The following LANCL1 variants were observed in gnomAD, a reference collection of about 807,000 sequenced individuals.
LANCL1 encodes the protein LanC like glutathione S-transferase 1.
LANCL1 carries 50 observed loss-of-function variants against 50.6 expected under a neutral mutation model. The observed-to-expected ratio is 0.99, with a 90% CI of 0.79 to 1.25. LANCL1 has a LOEUF of 1.25. LANCL1 is among the 50% of genes most tolerant of loss of function. The pLI, the probability that LANCL1 is intolerant of heterozygous loss-of-function variation, is 0.00. For missense variants in LANCL1, 532 were observed against 480.7 expected (o/e 1.11, Z -1.00); for synonymous variants, 188 against 178.6 (o/e 1.05, Z -0.42).
At chr2:210,465,130 T>C (rs924981092) in intron 3 of LANCL1, among the ~76,000 whole-genome samples, 2 of 152,244 alleles carry the variant, frequency 1.3e-5, no homozygotes, top group African/African-American at 4.8e-5. Context: ...CTCCTGTTGC[T>C]GATGTGAAAT....
At chr2:210,476,784 A>G, upstream of LANCL1, 1 of 1,016,622 alleles carries the variant, frequency 9.8e-7, no homozygotes, top group Non-Finnish European at 1.2e-6. Context: ...AGGAGGGCCA[A>G]TCAGAGCCTT....
chr2:210,470,293 A>G (rs1374261523), intron 3 of LANCL1, among the ~76,000 whole-genome samples: 1 of 152,142 alleles, frequency 6.6e-6, no homozygotes, highest in Non-Finnish European at 1.5e-5. Flanking sequence ...AAGCTTCTAC[A>G]ATCCATAAAA....
intron 3 of LANCL1, among the ~76,000 whole-genome samples, chr2:210,466,418 C>G (rs1230071267): frequency 6.6e-6 from 1 of 152,156 alleles, no homozygotes; most frequent in Non-Finnish European, 1.5e-5. Flanking sequence ...AGCCCCGGCC[C>G]CGTGAATGCC....
chr2:210,435,355 T>C (rs766346264), intron 9 of LANCL1, 32 bp downstream of exon 9: 1 of 1,538,158 alleles, frequency 6.5e-7, no homozygotes, highest in Non-Finnish European at 9.0e-7. Context: ...ATGCTGATAT[T>C]ATAGGGCAAA....
In LANCL1 at chr2:210,440,763, C is replaced by T; in HGVS notation, c.544-19G>A. The T allele has an allele frequency of 6.2e-7, 1 of 1,604,740 alleles. No individual in the cohort carries two copies. Among genetic ancestry groups the T allele is most frequent in the African/African-American group, 1.3e-5 (1 of 74,456 alleles). ...CACAAATCTACAGGGAGAAAACCAA[C>T]CAAAATAACAAGTTAACTGAACAAA... On this transcript the variant is annotated intron_variant, in intron 5 of 9. Transcript: ENST00000450366.
At chr2:210,454,567 T>C (rs1486771822) in intron 4 of LANCL1, among the ~76,000 whole-genome samples, 1 of 152,214 alleles carries the variant, frequency 6.6e-6, no homozygotes, top group African/African-American at 2.4e-5. Flanking sequence ...CCAGGGTTCT[T>C]AGAACTCCGA....
intron 5 of LANCL1, 32 bp downstream of exon 5, chr2:210,441,276 A>T (rs1434809148): frequency 6.2e-7 from 1 of 1,601,690 alleles, no homozygotes. Context: ...TGGGATCCTA[A>T]AAAGGCTCCT....
At chr2:210,457,026 T>C (rs1574431133) in intron 3 of LANCL1, among the ~76,000 whole-genome samples, 3 of 152,342 alleles carry the variant, frequency 2.0e-5, no homozygotes, top group Middle Eastern at 6.8e-3. Flanking sequence ...GAGAATTATC[T>C]TTCTAGTTTC....
intron 4 of LANCL1, among the ~76,000 whole-genome samples, chr2:210,446,227 G>C (rs1693324024): frequency 1.8e-3 from 1 of 546 alleles, no homozygotes. Context: ...GCTGGCATCT[G>C]GCGGGTGCCC....
At chr2:210,442,115 G>A (rs191209060) in intron 4 of LANCL1, among the ~76,000 whole-genome samples, 2 of 152,080 alleles carry the variant, frequency 1.3e-5, no homozygotes, top group East Asian at 1.9e-4. Context: ...TGTTGGTCAC[G>A]CTGGTCTCCA....
chr2:210,439,596 C>T (rs1006997870), intron 6 of LANCL1, among the ~76,000 whole-genome samples: 5 of 152,304 alleles, frequency 3.3e-5, no homozygotes, highest in East Asian at 3.9e-4. Context: ...AATTATATAA[C>T]CTCTAATTGA....
intron 4 of LANCL1, among the ~76,000 whole-genome samples, chr2:210,442,966 A>G (rs1301275205): frequency 1.3e-5 from 2 of 152,168 alleles, no homozygotes; most frequent in Non-Finnish European, 2.9e-5. Flanking sequence ...GGGAGCCTAA[A>G]CTCTGAGGGA....
At chr2:210,468,478 T>A (rs1319350738) in intron 3 of LANCL1, 1 of 152,192 alleles carries the variant, frequency 6.6e-6, no homozygotes, top group Non-Finnish European at 1.5e-5. Context: ...TATCCCAAAG[T>A]TCACTCTCCT....
intron 4 of LANCL1, among the ~76,000 whole-genome samples, chr2:210,449,552 GAAGTCAAA>G (rs1693448388): frequency 2.6e-5 from 4 of 152,334 alleles, no homozygotes; most frequent in Admixed American, 6.5e-5. Context: ...AGGAACAGAG[GAAGTCAAA>G]TTGTCTCTGT....
chr2:210,451,131 A>G (rs1377408808), intron 4 of LANCL1, among the ~76,000 whole-genome samples: 2 of 152,226 alleles, frequency 1.3e-5, no homozygotes, highest in Non-Finnish European at 2.9e-5. Context: ...CATATACAAC[A>G]TGGAATACTA....
chr2:210,445,607 T>C (rs996777834), intron 4 of LANCL1, among the ~76,000 whole-genome samples: 15 of 152,152 alleles, frequency 9.9e-5, no homozygotes, highest in African/African-American at 3.6e-4. Context: ...AAAATATTTA[T>C]ATTAAGATAT....
chr2:210,437,029 C>T (rs538381046), intron 7 of LANCL1, among the ~76,000 whole-genome samples: 1 of 152,230 alleles, frequency 6.6e-6, no homozygotes, highest in East Asian at 1.9e-4. Flanking sequence ...GATGCCAGCG[C>T]CCAGCGATAG....
intron 2 of LANCL1, among the ~76,000 whole-genome samples, chr2:210,472,991 CAGTG>C (rs1489530680): frequency 6.6e-6 from 1 of 152,164 alleles, no homozygotes; most frequent in Non-Finnish European, 1.5e-5. Flanking sequence ...GCTGTGCAAA[CAGTG>C]AGGCTCACAC....
At chr2:210,467,984 G>C (rs1694119555) in intron 3 of LANCL1, among the ~76,000 whole-genome samples, 1 of 152,190 alleles carries the variant, frequency 6.6e-6, no homozygotes. Context: ...AGAAAATAAG[G>C]GTTTGGGAGA....
Sources: gnomAD v4.1 joint callset for allele counts (sites outside exome capture counted in the v4.1 genomes callset) on GRCh38, gnomAD v4.1.1 for gene constraint, MANE v1.5 for transcripts, NCBI Gene and HGNC (gene_info 2026-07-23, HGNC 2026-07-21) for gene names.